The following PCNX3 variants were observed in gnomAD, a reference collection of about 807,000 sequenced individuals.
PCNX3 encodes the protein pecanex 3.
PCNX3 carries 58 observed loss-of-function variants against 207.2 expected under a neutral mutation model. That is an observed-to-expected ratio of 0.28 (90% CI 0.23 to 0.35). The LOEUF (loss-of-function observed/expected upper bound fraction) is 0.35, where lower values mean the gene tolerates loss of function less well. Ranked by LOEUF, PCNX3 falls within the 10% of genes least tolerant of loss-of-function variation. The probability of loss-of-function intolerance (pLI) is 1.00; values close to 1 mark genes in which losing one functional copy is unlikely to be tolerated. For missense variants in PCNX3, 2,410 were observed against 2,774.4 expected, an observed-to-expected ratio of 0.87 and a Z score of 2.95; for synonymous variants, 1,337 against 1,183.5, an observed-to-expected ratio of 1.13 and a Z score of -2.66.
rs778637158 is a variant in PCNX3 at position 65,630,346 on chromosome 11, C to T, written c.4217-5C>T. Reference sequence around the variant, plus strand: ...AGCCCCTGACTGCACACCCCTCCTCCACAGGCACTTACTGCCAGCAGCGCG... The same window carrying T: ...AGCCCCTGACTGCACACCCCTCCTCTACAGGCACTTACTGCCAGCAGCGCG... On this transcript the variant is annotated splice_region_variant and splice_polypyrimidine_tract_variant and intron_variant, in intron 26 of 34. Transcript: ENST00000355703. 1.2e-6 allele frequency: 2 copies of T among 1,612,638 alleles called. No homozygotes were observed. The highest frequency in any genetic ancestry group is 2.7e-5 in the African/African-American group (2 of 74,932).
chr11:65,617,008 C>A lies in PCNX3; in HGVS notation c.338C>A (p.Pro113His). 3 of 1,607,172 alleles carry A rather than the reference C, an allele frequency of 1.9e-6. No homozygotes were observed. Among genetic ancestry groups the A allele is most frequent in the East Asian group, 2.2e-5 (1 of 44,714 alleles). ...EEPAQGDSNP[P>H]RDPGVEMTVF... The stretch of plus-strand genomic sequence containing the variant: ...CCTGCCCAGGGGGACAGCAATCCAC[C>A]CAGGTGGGTGGGGTAGGGGCTGTGC... The change falls in exon 2 of 35, where the codon CCC becomes CAC. Residue 113 changes from proline (P) to histidine (H), a missense_variant. Transcript: ENST00000355703.
chr11:65,632,586 G>C (rs951132937), intron 27 of PCNX3, among the ~76,000 whole-genome samples: 1 of 127,248 alleles, frequency 7.9e-6, no homozygotes, highest in Non-Finnish European at 1.7e-5. Context: ...CGCAGTGAGC[G>C]CTCACAGGCG....
Position 65,618,281 on chromosome 11 carries a change from A to G in PCNX3, c.919A>G (p.Arg307Gly), listed in dbSNP as rs1854863048. The G allele has an allele frequency of 3.1e-6, 5 of 1,610,304 alleles. No individual in the cohort carries two copies. Among genetic ancestry groups the G allele is most frequent in the Non-Finnish European group, 3.4e-6 (4 of 1,178,124 alleles). ...AGACTCCTGCTTCAGCGGCACTGAC[A>G]GGGAGACATTGAGCAGCTTCAAGAG... Reference protein sequence around the residue: ...SSDSCFSGTDRETLSSFKSEK... With the variant: ...SSDSCFSGTDGETLSSFKSEK... The change falls in exon 6 of 35, where the codon AGG (arginine) becomes GGG (glycine). Residue 307 changes from arginine to glycine, a missense_variant. Coordinates refer to ENST00000355703, the MANE Select transcript of PCNX3 (RefSeq NM_032223.4).
At chr11:65,620,996 A>G (rs997670538) in intron 10 of PCNX3, 30 bp downstream of exon 10, 9 of 1,509,050 alleles carry the variant, frequency 6.0e-6, no homozygotes, top group Admixed American at 2.0e-5. Context: ...GGGCCGTGCC[A>G]GTGGGGCGTG....
intron 22 of PCNX3, among the ~76,000 whole-genome samples, chr11:65,628,365 A>G (rs575831379): frequency 6.1e-4 from 93 of 152,292 alleles, no homozygotes; most frequent in African/African-American, 2.1e-3. Context: ...CTCACAGGGT[A>G]CTTGTGTGAA....
intron 20 of PCNX3, 101 bp from the exon 21 acceptor site, chr11:65,626,803 C>G (rs142411406): frequency 0.021 from 31,024 of 1,512,512 alleles, 381 homozygotes; most frequent in Middle Eastern, 0.041. Context: ...CCAGGGTCTC[C>G]GAGGAGTCAG....
At chr11:65,624,703 G>T (rs923128464) in intron 15 of PCNX3, 122 bp downstream of exon 15, 2 of 1,024,496 alleles carry the variant, frequency 2.0e-6, no homozygotes, top group African/African-American at 3.2e-5. Context: ...CAGACTCAAG[G>T]TTTCTGCCTT....
intron 20 of PCNX3, chr11:65,626,586 C>T: frequency 4.4e-6 from 2 of 457,096 alleles, no homozygotes; most frequent in Non-Finnish European, 8.1e-6. Flanking sequence ...TTAGAAGGGC[C>T]CAGCTCACGG....
At chr11:65,628,769 T>TGGCTGGGGGGGGGGGGGGGGGGG in intron 23 of PCNX3, 50 bp from the exon 24 acceptor site, 1 of 299,598 alleles carries the variant, frequency 3.3e-6, no homozygotes, top group Admixed American at 4.9e-5. Context: ...TGGGGGGTGG[T>TGGCTGGGGGGGGGGGGGGGGGGG]GGGGGGCTGG....
At chr11:65,633,604 C>A (rs1294197933) in intron 27 of PCNX3, among the ~76,000 whole-genome samples, 1 of 152,238 alleles carries the variant, frequency 6.6e-6, no homozygotes, top group African/African-American at 2.4e-5. Context: ...TGCAGGAACA[C>A]CAGCTCCTGC....
chr11:65,625,472 C>A lies in PCNX3; in HGVS notation c.3097C>A (p.Pro1033Thr), dbSNP rs770913079. Residue 1033 changes from proline to threonine, a missense_variant, in exon 18 of 35, where the codon CCC becomes ACC. Physicochemically the swap from Pro to Thr is conservative, Grantham distance 38. Around this residue, in one of 8 missense-constraint regions of PCNX3, gnomAD observed 333 missense variants for 386.8 expected, o/e 0.86. Transcript: ENST00000355703. This position sits in a 1 kb window ranked among gnomAD's most constrained non-coding sequence, Gnocchi z 5.6. ...CAGCTTGGAGACAGCCCGGGCCGAG[C>A]CCCCGGACCCCTTGCCGGACAAGAT... ...ERSLETARAEPPDPLPDKMRQ... is the reference protein window; with the variant it reads ...ERSLETARAETPDPLPDKMRQ... 5.6e-6 allele frequency: 9 copies of A among 1,605,162 alleles called. No homozygotes were observed. The highest frequency in any genetic ancestry group is 7.6e-6 in the Non-Finnish European group (9 of 1,178,990).
At chr11:65,627,171 C>CCAGCT (rs1204751221) in intron 21 of PCNX3, 123 bp downstream of exon 21, 3 of 1,347,386 alleles carry the variant, frequency 2.2e-6, no homozygotes. Context: ...AAGCAGGACC[C>CCAGCT]CAGCTCCTGA....
rs1855537196 is a variant in PCNX3 at position 65,629,559 on chromosome 11, A to G, written c.4040A>G (p.His1347Arg). 2 of 1,613,556 alleles carry G rather than the reference A, an allele frequency of 1.2e-6. No individual in the cohort carries two copies. The highest frequency in any genetic ancestry group is 1.7e-5 in the Admixed American group (1 of 59,972). The change falls in exon 26 of 35, where the codon CAC (histidine) becomes CGC (arginine). Residue 1347 changes from histidine to arginine, a missense_variant. Physicochemically the swap from His to Arg is conservative, Grantham distance 29. Coordinates refer to ENST00000355703, the MANE Select transcript of PCNX3 (RefSeq NM_032223.4). Reference sequence around the variant, plus strand: ...AACCTCAACTCCATCTTCTATGAGCACTTGACACGTTCGCTGCAGCACACA... The same window carrying G: ...AACCTCAACTCCATCTTCTATGAGCGCTTGACACGTTCGCTGCAGCACACA... ...DNNLNSIFYE[H>R]LTRSLQHTLC...
chr11:65,634,630 C>A lies in PCNX3; in HGVS notation c.4794C>A (p.Ser1598Arg). The A allele has an allele frequency of 6.3e-7, 1 of 1,597,154 alleles. No homozygotes were observed. The part of the protein sequence containing the change: ...GRRALGTASH[S>R]MSASLEPFLY... ...GGGCCCTGGGGACAGCCTCTCACAG[C>A]ATGTCTGCAAGGTGAGTGCTCGGGT... The change falls in exon 29 of 35, where the codon AGC becomes AGA. Residue 1598 changes from serine (S) to arginine (R), a missense_variant. This residue lies in a region of PCNX3 where 420 missense variants were observed against 705.3 expected (regional missense o/e 0.60). Transcript: ENST00000355703.
Position 65,630,455 on chromosome 11 carries a change from T to C in PCNX3, c.4321T>C (p.Phe1441Leu), listed in dbSNP as rs1278026556. Residue 1441 changes from phenylalanine (F) to leucine (L), a missense_variant, in exon 27 of 35, where the codon TTC (phenylalanine) becomes CTC (leucine). Physicochemically the swap from Phe to Leu is conservative, Grantham distance 22. Transcript: ENST00000355703. ...EPGHLPRVLS[F>L]NAAFGQRWLA... Reference sequence around the variant, plus strand: ...TGGCCACCTGCCACGGGTCCTGTCCTTCAATGCTGCCTTTGGGCAGCGCTG... The same window carrying C: ...TGGCCACCTGCCACGGGTCCTGTCCCTCAATGCTGCCTTTGGGCAGCGCTG... The C allele has an allele frequency of 1.9e-6, 3 of 1,613,660 alleles. No individual in the cohort carries two copies. In the Admixed American group the frequency reaches 5.0e-5, roughly 27 times the overall value.
In PCNX3 at chr11:65,636,260, T is replaced by G. The variant is rs939218583; in HGVS notation, c.5546T>G (p.Leu1849Arg). 10 of 1,594,768 alleles carry G rather than the reference T, an allele frequency of 6.3e-6. No individual in the cohort carries two copies. Among genetic ancestry groups the G allele is most frequent in the Middle Eastern group, 1.7e-4 (1 of 6,022 alleles). The change falls in exon 33 of 35, where the codon CTC becomes CGC. Residue 1849 changes from leucine to arginine, a missense_variant. Around this residue, in one of 8 missense-constraint regions of PCNX3, gnomAD observed 59 missense variants for 83.9 expected, o/e 0.70. Coordinates refer to ENST00000355703, the MANE Select transcript of PCNX3 (RefSeq NM_032223.4). The part of the protein sequence containing the change: ...DCSGGGGLTS[L>R]SNNPPVAHPT... Reference sequence around the variant, plus strand: ...AGTGGGGGCGGTGGCCTGACCTCCCTCAGCAATAACCCCCCCGTGGCACAC... The same window carrying G: ...AGTGGGGGCGGTGGCCTGACCTCCCGCAGCAATAACCCCCCCGTGGCACAC...
rs200326978 is a variant in PCNX3 at position 65,624,159 on chromosome 11, C to T, written c.2545-36C>T. The T allele has an allele frequency of 4.9e-4, 780 of 1,583,152 alleles. 2 individuals are homozygous for T. In the African/African-American group the frequency reaches 9.8e-3, roughly 20 times the overall value. On this transcript the variant is annotated intron_variant, in intron 13 of 34. Transcript: ENST00000355703. Reference sequence around the variant, plus strand: ...TGCATGTGTCAGAGGTGTGGCCAGTCGGGGAGACCCAGCTCCTCATGGGCT... The same window carrying T: ...TGCATGTGTCAGAGGTGTGGCCAGTTGGGGAGACCCAGCTCCTCATGGGCT...
rs1464220913 is a variant in PCNX3 at position 65,625,208 on chromosome 11, C to T, written c.2957C>T (p.Ser986Leu). The T allele has an allele frequency of 6.2e-7, 1 of 1,610,902 alleles. No individual in the cohort carries two copies. The highest frequency in any genetic ancestry group is 8.5e-7 in the Non-Finnish European group (1 of 1,179,560). Residue 986 changes from serine (S) to leucine (L), a missense_variant, in exon 17 of 35, where the codon TCA becomes TTA. Transcript: ENST00000355703. The surrounding 1 kb of genome is among the most constrained non-coding windows in gnomAD (Gnocchi z 5.6). ...WPEQHVPVLF[S>L]VFCGLLVALS... ...GAGCAGCACGTCCCTGTCCTCTTCT[C>T]AGTCTTCTGTGGCCTCCTGGTGGCA...
rs574288776 is a variant in PCNX3 at position 65,618,666 on chromosome 11, G to A, written c.1304G>A (p.Ser435Asn). 6.2e-7 allele frequency: 1 copy of A among 1,613,326 alleles called. No homozygotes were observed. Among genetic ancestry groups the A allele is most frequent in the South Asian group, 1.1e-5 (1 of 91,078 alleles). ...SEGSELSPAS[S>N]LRSQRRYSTD... ...GGCAGTGAACTGAGCCCGGCCTCCA[G>A]TCTCCGATCGCAGCGCCGCTACAGT... The change falls in exon 6 of 35, where the codon AGT becomes AAT. Residue 435 changes from serine (S) to asparagine (N), a missense_variant. Transcript: ENST00000355703.
Sources: gnomAD v4.1 joint callset for allele counts (sites outside exome capture counted in the v4.1 genomes callset) on GRCh38, gnomAD v4.1.1 for gene constraint, gnomAD v4.1.1 regional missense constraint, Gnocchi (gnomAD v3.1) non-coding constraint, MANE v1.5 for transcripts, NCBI Gene and HGNC (gene_info 2026-07-23, HGNC 2026-07-21) for gene names.